Variants in MAP3K5 observed in about 807,000 individuals in gnomAD.
The protein encoded by MAP3K5 is mitogen-activated protein kinase kinase kinase 5.
A neutral mutation model predicts 158.7 loss-of-function variants in MAP3K5; 56 were observed. The observed-to-expected ratio is 0.35, with a 90% CI of 0.28 to 0.44. MAP3K5 has a LOEUF of 0.44. Among genes scored for constraint, MAP3K5 ranks in the 20% least tolerant of loss-of-function variants. The pLI, the probability that MAP3K5 is intolerant of heterozygous loss-of-function variation, is 1.00. For missense variants in MAP3K5, 1,294 were observed against 1,674.8 expected (o/e 0.77, Z 3.97); for synonymous variants, 579 against 601.7 (o/e 0.96, Z 0.55).
At chr6:136,565,173 C>T (rs1774042757) in intron 26 of MAP3K5, among the ~76,000 whole-genome samples, 1 of 152,200 alleles carries the variant, frequency 6.6e-6, no homozygotes, top group Non-Finnish European at 1.5e-5. Context: ...CTCATTTGCT[C>T]CGAATCCAGC....
chr6:136,744,856 A>C (rs1782865703), intron 1 of MAP3K5, among the ~76,000 whole-genome samples: 1 of 152,170 alleles, frequency 6.6e-6, no homozygotes, highest in Non-Finnish European at 1.5e-5. Flanking sequence ...GATTTTTGGA[A>C]TCAGGTGATT....
chr6:136,619,360 T>C (rs1776704482), intron 15 of MAP3K5, among the ~76,000 whole-genome samples: 1 of 152,218 alleles, frequency 6.6e-6, no homozygotes, highest in Non-Finnish European at 1.5e-5. Flanking sequence ...CTGGGTTTCA[T>C]GCTGGTTGCA....
chr6:136,610,842 C>T (rs1410442194), intron 18 of MAP3K5, among the ~76,000 whole-genome samples: 1 of 152,008 alleles, frequency 6.6e-6, no homozygotes, highest in Non-Finnish European at 1.5e-5. Context: ...GGCGCAGTGG[C>T]TCACGCCTGT....
At chr6:136,634,862 T>C (rs1367639770) in intron 14 of MAP3K5, among the ~76,000 whole-genome samples, 1 of 151,672 alleles carries the variant, frequency 6.6e-6, no homozygotes, top group African/African-American at 2.4e-5. Flanking sequence ...CCACCACACC[T>C]GACTTCAGAA....
At chr6:136,681,506 A>G (rs1186222922) in intron 7 of MAP3K5, among the ~76,000 whole-genome samples, 1 of 152,180 alleles carries the variant, frequency 6.6e-6, no homozygotes, top group African/African-American at 2.4e-5. Flanking sequence ...GGTGGTGCAC[A>G]TCAGTAGTCA....
At chr6:136,694,054 T>C in intron 7 of MAP3K5, 86 bp downstream of exon 7, 2 of 983,566 alleles carry the variant, frequency 2.0e-6, no homozygotes. Flanking sequence ...TGGATTATAA[T>C]AATACTTTAA....
chr6:136,660,984 T>C (rs1366417950), intron 8 of MAP3K5, among the ~76,000 whole-genome samples: 1 of 152,092 alleles, frequency 6.6e-6, no homozygotes, highest in Non-Finnish European at 1.5e-5. Flanking sequence ...AGATATCTTA[T>C]CTTAACATTT....
At chr6:136,661,297 G>A (rs952648189) in intron 8 of MAP3K5, among the ~76,000 whole-genome samples, 1 of 152,018 alleles carries the variant, frequency 6.6e-6, no homozygotes, top group African/African-American at 2.4e-5. Context: ...TTTTGTGAGG[G>A]TAAAGAGAGA....
intron 3 of MAP3K5, among the ~76,000 whole-genome samples, chr6:136,700,992 A>G (rs1451996899): frequency 1.3e-5 from 2 of 152,238 alleles, no homozygotes; most frequent in Non-Finnish European, 2.9e-5. Context: ...TGTATTCACC[A>G]TGTGTGTGTG....
intron 1 of MAP3K5, among the ~76,000 whole-genome samples, chr6:136,758,733 A>G (rs553434493): frequency 1.3e-5 from 2 of 152,376 alleles, no homozygotes; most frequent in African/African-American, 4.8e-5. Flanking sequence ...CAAGGAATCA[A>G]TTATTAGGTA....
At chr6:136,724,962 G>A (rs1781904568) in intron 1 of MAP3K5, among the ~76,000 whole-genome samples, 1 of 152,036 alleles carries the variant, frequency 6.6e-6, no homozygotes, top group Admixed American at 6.6e-5. Flanking sequence ...CCAGTCCCTG[G>A]CAACCACTGA....
intron 26 of MAP3K5, among the ~76,000 whole-genome samples, chr6:136,567,262 T>C (rs1289217239): frequency 1.3e-5 from 2 of 152,200 alleles, no homozygotes; most frequent in Non-Finnish European, 2.9e-5. Context: ...TCCTCTCCTA[T>C]AAAGACTTGA....
At chr6:136,661,985 T>A (rs531688926) in intron 8 of MAP3K5, among the ~76,000 whole-genome samples, 1 of 152,372 alleles carries the variant, frequency 6.6e-6, no homozygotes, top group East Asian at 1.9e-4. Context: ...ATGTATATTT[T>A]TGATGTCAAT....
At chr6:136,655,124 T>C (rs935518388) in intron 10 of MAP3K5, among the ~76,000 whole-genome samples, 3 of 152,220 alleles carry the variant, frequency 2.0e-5, no homozygotes, top group African/African-American at 4.8e-5. Flanking sequence ...GACAAATTCA[T>C]ATGATACTAA....
chr6:136,674,684 G>A (rs1779630219), intron 7 of MAP3K5, among the ~76,000 whole-genome samples: 1 of 151,714 alleles, frequency 6.6e-6, no homozygotes, highest in African/African-American at 2.4e-5. Flanking sequence ...AACAATAACA[G>A]CAAAAAATGC....
At chr6:136,650,562 C>T (rs1778474651) in intron 11 of MAP3K5, among the ~76,000 whole-genome samples, 1 of 152,194 alleles carries the variant, frequency 6.6e-6, no homozygotes, top group African/African-American at 2.4e-5. Flanking sequence ...AACAAAACAG[C>T]TAGATGTAAT....
Position 136,630,512 on chromosome 6 carries a change from C to T in MAP3K5, c.2016+6813G>A, listed in dbSNP as rs560498457. ...TAGGCTGAAAACATCAGAAAAACAG[C>T]AGCAGCAGAAAAAAACCTTATCTAA... is the stretch of plus-strand genomic sequence containing the variant. On this transcript the variant is annotated intron_variant, in intron 14 of 29. Coordinates refer to ENST00000359015, the MANE Select transcript of MAP3K5 (RefSeq NM_005923.4). Among the ~76,000 whole-genome samples, 10 of 152,284 alleles carry T rather than the reference C, an allele frequency of 6.6e-5. 1 individual carries two copies. In the South Asian group the frequency reaches 2.1e-3, roughly 32 times the overall value.
chr6:136,661,258 G>C (rs1778992907), intron 8 of MAP3K5, among the ~76,000 whole-genome samples: 2 of 152,148 alleles, frequency 1.3e-5, no homozygotes, highest in South Asian at 4.2e-4. Flanking sequence ...AAGTATTTCA[G>C]GAAAATGTCC....
At chr6:136,644,815 C>T (rs1778167085) in intron 11 of MAP3K5, among the ~76,000 whole-genome samples, 1 of 152,162 alleles carries the variant, frequency 6.6e-6, no homozygotes, top group East Asian at 1.9e-4. Flanking sequence ...GGCCCTCCTC[C>T]CCGGGATGCC....
Sources: gnomAD v4.1 joint callset for allele counts (sites outside exome capture counted in the v4.1 genomes callset) on GRCh38, gnomAD v4.1.1 for gene constraint, MANE v1.5 for transcripts, NCBI Gene and HGNC (gene_info 2026-07-23, HGNC 2026-07-21) for gene names.